IWS1: variants seen among roughly 807,000 people sequenced by gnomAD.
IWS1 encodes interacts with SUPT6H, CTD assembly factor 1.
IWS1 carries 27 observed loss-of-function variants against 86.7 expected under a neutral mutation model. That is an observed-to-expected ratio of 0.31 (90% CI 0.23 to 0.43). The LOEUF is 0.43. Among genes scored for constraint, IWS1 ranks in the 20% least tolerant of loss-of-function variants. The probability of loss-of-function intolerance (pLI) is 1.00; values close to 1 mark genes in which losing one functional copy is unlikely to be tolerated. For synonymous variants in IWS1, 313 were observed against 335.1 expected (o/e 0.93, Z 0.72); for missense variants, 827 against 1,000.8 (o/e 0.83, Z 2.34).
intron 5 of IWS1, 54 bp from the exon 6 acceptor site, chr2:127,498,291 TC>T: frequency 1.3e-6 from 2 of 1,537,746 alleles, no homozygotes; most frequent in Non-Finnish European, 1.8e-6. Flanking sequence ...TATTAAGTGT[TC>T]TTAATATTTT....
At chr2:127,514,270 C>T (rs1691642048) in intron 2 of IWS1, 1 of 154,480 alleles carries the variant, frequency 6.5e-6, no homozygotes. Context: ...CCCTACCCTG[C>T]TCACTCTCGG....
At chr2:127,496,613 G>C (rs1351181604) in intron 6 of IWS1, among the ~76,000 whole-genome samples, 1 of 151,344 alleles carries the variant, frequency 6.6e-6, no homozygotes. Context: ...GTGTTGCTCT[G>C]TCACCCAGGC....
At chr2:127,507,632 A>G (rs1691213987) in intron 2 of IWS1, among the ~76,000 whole-genome samples, 1 of 152,220 alleles carries the variant, frequency 6.6e-6, no homozygotes, top group Non-Finnish European at 1.5e-5. Flanking sequence ...CACACTTCAT[A>G]ATTTAAAAGA....
At chr2:127,495,442 C>G (rs1690464094) in intron 7 of IWS1, among the ~76,000 whole-genome samples, 1 of 152,268 alleles carries the variant, frequency 6.6e-6, no homozygotes, top group East Asian at 1.9e-4. Context: ...ATTTCAACAA[C>G]TGAATACACA....
At chr2:127,515,271 A>G (rs1691709170) in intron 2 of IWS1, among the ~76,000 whole-genome samples, 1 of 152,198 alleles carries the variant, frequency 6.6e-6, no homozygotes, top group South Asian at 2.1e-4. Context: ...TGTTACTAGC[A>G]TTTCATTTAA....
At chr2:127,514,179 G>C (rs909070826) in intron 2 of IWS1, 4 of 154,266 alleles carry the variant, frequency 2.6e-5, no homozygotes, top group Non-Finnish European at 5.9e-5. Context: ...ACACATTGGG[G>C]ACAACCCACC....
intron 13 of IWS1, among the ~76,000 whole-genome samples, chr2:127,486,192 C>T (rs1689920726): frequency 6.6e-6 from 1 of 152,044 alleles, no homozygotes; most frequent in Non-Finnish European, 1.5e-5. Context: ...GGTAGGTCTG[C>T]TGAAGCACGT....
intron 2 of IWS1, among the ~76,000 whole-genome samples, chr2:127,518,146 C>T (rs749968887): frequency 7.9e-5 from 12 of 152,126 alleles, no homozygotes; most frequent in Non-Finnish European, 1.3e-4. Flanking sequence ...CCAACTGTGG[C>T]GATAGCTGGG....
intron 2 of IWS1, among the ~76,000 whole-genome samples, chr2:127,519,864 A>C (rs1026242087): frequency 6.6e-6 from 1 of 152,176 alleles, no homozygotes; most frequent in African/African-American, 2.4e-5. Context: ...GAGGTCAGAA[A>C]ATGAGTTGTG....
Position 127,526,240 on chromosome 2 carries a change from G to T in IWS1, c.-32C>A. ...CGGACTCTCAGCGGGGAGTGTCCGCGCCCCGCGCCGCCCCCGTCACCTCCT... is the reference window on the plus strand; with the variant it reads ...CGGACTCTCAGCGGGGAGTGTCCGCTCCCCGCGCCGCCCCCGTCACCTCCT... On this transcript the variant is annotated 5_prime_UTR_variant, in exon 1 of 14. Coordinates refer to ENST00000295321, the MANE Select transcript of IWS1 (RefSeq NM_017969.3). 6.4e-7 allele frequency: 1 copy of T among 1,551,362 alleles called. No individual in the cohort carries two copies. The highest frequency in any genetic ancestry group is 8.7e-7 in the Non-Finnish European group (1 of 1,148,916).
intron 13 of IWS1, among the ~76,000 whole-genome samples, chr2:127,483,599 T>G (rs1394370753): frequency 0.084 from 469 of 5,562 alleles, no homozygotes; most frequent in Middle Eastern, 0.25. Flanking sequence ...GGTGGGGGGG[T>G]TGGGCTGTGT....
chr2:127,504,061 C>A (rs1690967574), intron 3 of IWS1, among the ~76,000 whole-genome samples: 1 of 152,194 alleles, frequency 6.6e-6, no homozygotes, highest in Non-Finnish European at 1.5e-5. Flanking sequence ...GGTACCTTTT[C>A]CTTCTCCTAT....
chr2:127,502,754 T>C (rs962412901), intron 5 of IWS1, 61 bp downstream of exon 5: 1 of 817,686 alleles, frequency 1.2e-6, no homozygotes, highest in South Asian at 1.5e-5. Context: ...ATGGTATCAC[T>C]GCCATAAAAA....
chr2:127,496,006 C>A lies in IWS1; in HGVS notation c.1708G>T (p.Ala570Ser). 6.2e-7 allele frequency: 1 copy of A among 1,612,302 alleles called. No individual in the cohort carries two copies. The highest frequency in any genetic ancestry group is 8.5e-7 in the Non-Finnish European group (1 of 1,179,352). Residue 570 changes from alanine to serine, a missense_variant, in exon 7 of 14, where the codon GCT becomes TCT. Ala to Ser is a moderately conservative substitution (Grantham distance 99, BLOSUM62 1). Transcript: ENST00000295321. Reference protein sequence around the residue: ...VSAMIVKMNEAAEEDRQLNNQ... With the variant: ...VSAMIVKMNESAEEDRQLNNQ... ...GAAGCGACCCAGCTCACCTCAGCAG[C>A]TTCATTCATCTTGACGATCATGGCA...
chr2:127,496,196 A>G, intron 6 of IWS1, 48 bp from the exon 7 acceptor site: 1 of 1,567,614 alleles, frequency 6.4e-7, no homozygotes, highest in Non-Finnish European at 8.7e-7. Context: ...TCTTTTAAAT[A>G]CACATTTACT....
intron 2 of IWS1, among the ~76,000 whole-genome samples, chr2:127,519,220 A>G (rs1691951152): frequency 6.6e-6 from 1 of 152,236 alleles, no homozygotes; most frequent in African/African-American, 2.4e-5. Flanking sequence ...CAAGCTACCT[A>G]GACAGAAAGA....
chr2:127,484,587 C>A (rs1004998614), intron 13 of IWS1: 4 of 152,204 alleles, frequency 2.6e-5, no homozygotes, highest in African/African-American at 7.2e-5. Flanking sequence ...GGAAACACAA[C>A]CTCTGCTTTC....
rs376578424 is a variant in IWS1 at position 127,491,963 on chromosome 2, T to G, written c.2047+8A>C. On this transcript the variant is annotated splice_region_variant and intron_variant, in intron 10 of 13. Coordinates refer to ENST00000295321, the MANE Select transcript of IWS1 (RefSeq NM_017969.3). ...AAACACAACAAACAAAAAGGAAAAT[T>G]TACATACTGATTAATTTCCCTGCCA... is the stretch of plus-strand genomic sequence containing the variant. 9.9e-5 allele frequency: 155 copies of G among 1,561,402 alleles called. No individual in the cohort carries two copies. The highest frequency in any genetic ancestry group is 1.3e-4 in the Non-Finnish European group (150 of 1,132,268).
At chr2:127,481,278 G>C (rs1479526346) in intron 13 of IWS1, 103 bp from the exon 14 acceptor site, 1 of 1,075,978 alleles carries the variant, frequency 9.3e-7, no homozygotes, top group African/African-American at 1.6e-5. Flanking sequence ...AGAGCTTCTA[G>C]CTCTGGAATA....
Sources: gnomAD v4.1 joint callset for allele counts (sites outside exome capture counted in the v4.1 genomes callset) on GRCh38, gnomAD v4.1.1 for gene constraint, MANE v1.5 for transcripts, NCBI Gene and HGNC (gene_info 2026-07-23, HGNC 2026-07-21) for gene names.